The following AK2 variants were observed in gnomAD, a reference collection of about 807,000 sequenced individuals.
The protein encoded by AK2 is adenylate kinase 2.
Under a neutral mutation model 24.6 loss-of-function variants are expected in AK2, and 15 were observed. The observed-to-expected ratio is 0.61, with a 90% CI of 0.41 to 0.94. AK2 has a LOEUF of 0.94. Among genes scored for constraint, AK2 ranks in the 40% least tolerant of loss-of-function variants. The pLI is 0.00. For synonymous variants in AK2, 102 were observed against 114.0 expected, an observed-to-expected ratio of 0.90 and a Z score of 0.67; for missense variants, 257 against 304.1, an observed-to-expected ratio of 0.85 and a Z score of 1.15.
intron 1 of AK2, among the ~76,000 whole-genome samples, chr1:33,027,850 G>A (rs1182021242): frequency 2.6e-5 from 4 of 152,168 alleles, no homozygotes; most frequent in Admixed American, 6.5e-5. Flanking sequence ...GCACGCATGG[G>A]TTTTGAAGTC....
intron 4 of AK2, among the ~76,000 whole-genome samples, chr1:33,018,569 G>C (rs551372440): frequency 2.0e-5 from 3 of 152,316 alleles, no homozygotes; most frequent in African/African-American, 7.2e-5. Flanking sequence ...CCACTCATCT[G>C]TTGGGTAAAC....
intron 4 of AK2, 44 bp from the exon 5 acceptor site, chr1:33,014,638 C>A (rs371983494): frequency 1.3e-6 from 2 of 1,522,196 alleles, no homozygotes; most frequent in East Asian, 2.3e-5. Flanking sequence ...ACTGACAGTA[C>A]GCGCCTGCAC....
chr1:33,013,010 TAC>T lies in AK2; in HGVS notation c.*169_*170del. 6.3e-7 allele frequency: 1 copy of T among 1,592,420 alleles called. No individual in the cohort carries two copies. Among genetic ancestry groups the T allele is most frequent in the Non-Finnish European group, 8.5e-7 (1 of 1,175,946 alleles). On this transcript the variant is annotated 3_prime_UTR_variant, in exon 6 of 6. Transcript: ENST00000672715. ...CACACACACACACACACAACACACATACACACAGATGAGAGTAGCACACACGC... is the reference window on the plus strand; with the variant it reads ...CACACACACACACACACAACACACATACACAGATGAGAGTAGCACACACGC...
At chr1:33,016,566 A>G (rs1639201811) in intron 4 of AK2, among the ~76,000 whole-genome samples, 1 of 150,814 alleles carries the variant, frequency 6.6e-6, no homozygotes, top group Admixed American at 6.6e-5. Flanking sequence ...CTGGAGTGCA[A>G]TGGCAATGAC....
rs1310024461 is a variant in AK2, at chr1:33,008,642, T to A, written c.*4539A>T. On this transcript the variant is annotated 3_prime_UTR_variant, in exon 6 of 6. Coordinates refer to ENST00000672715, the MANE Select transcript of AK2 (RefSeq NM_001625.4). ...TTCAGTCCTGACTGCCTCTTATGCATGACCTCAGGAATGCCACTTCACCTC... is the reference window on the plus strand; with the variant it reads ...TTCAGTCCTGACTGCCTCTTATGCAAGACCTCAGGAATGCCACTTCACCTC... 4 of 454,018 alleles carry A rather than the reference T, an allele frequency of 8.8e-6. No individual in the cohort carries two copies. Among genetic ancestry groups the A allele is most frequent in the Non-Finnish European group, 1.3e-5 (3 of 226,804 alleles). The allele number at this position is 454,018 out of a possible 1,614,324, so 28.1% of individuals were successfully genotyped here. A position where few individuals can be genotyped will look rare whatever the true frequency, so the allele number is the denominator to read the frequency against.
intron 4 of AK2, chr1:33,020,073 G>C: frequency 6.5e-7 from 1 of 1,535,156 alleles, no homozygotes; most frequent in Non-Finnish European, 8.7e-7. Flanking sequence ...AGTGATTAGT[G>C]AAACAGGGTA....
chr1:33,036,719 C>T lies in AK2; in HGVS notation c.93+17G>A, dbSNP rs779763748. Reference sequence around the variant, plus strand: ...AGTTCAGCAGGCTCCGCCGCCAAGCCCAGTCCTGCCGCTCACCTGGGTCCC... The same window carrying T: ...AGTTCAGCAGGCTCCGCCGCCAAGCTCAGTCCTGCCGCTCACCTGGGTCCC... On this transcript the variant is annotated intron_variant, in intron 1 of 5. Coordinates refer to ENST00000672715, the MANE Select transcript of AK2 (RefSeq NM_001625.4). 6 of 1,567,804 alleles carry T rather than the reference C, an allele frequency of 3.8e-6. No individual in the cohort carries two copies. The African/African-American group carries it at 6.8e-5, about 18-fold the overall frequency.
Position 33,008,946 on chromosome 1 carries a change from C to G in AK2, c.*4235G>C, listed in dbSNP as rs1557602656. The G allele has an allele frequency of 2.4e-5, 11 of 454,098 alleles. No homozygotes were observed. Among genetic ancestry groups the G allele is most frequent in the Non-Finnish European group, 3.5e-5 (8 of 226,800 alleles). 28.1% of individuals were successfully genotyped at this position (454,098 alleles called of 1,614,324 possible). On this transcript the variant is annotated 3_prime_UTR_variant, in exon 6 of 6. Transcript: ENST00000672715. Reference sequence around the variant, plus strand: ...CTGCTTTGCAGGTTGGTTTGACAAACATTTCCCCACAATTAGATGCATGAT... The same window carrying G: ...CTGCTTTGCAGGTTGGTTTGACAAAGATTTCCCCACAATTAGATGCATGAT...
intron 2 of AK2, 199 bp downstream of exon 2, chr1:33,024,243 G>C: frequency 1.4e-6 from 1 of 715,834 alleles, no homozygotes; most frequent in Non-Finnish European, 2.4e-6. Flanking sequence ...TTGTTCAACA[G>C]AATTTTGTTT....
At chr1:33,025,074 A>G (rs556547784) in intron 1 of AK2, among the ~76,000 whole-genome samples, 2 of 151,706 alleles carry the variant, frequency 1.3e-5, no homozygotes, top group East Asian at 1.9e-4. Flanking sequence ...AATTGCAGCT[A>G]CTCAGGAGGC....
At position 33,012,873 on chromosome 1, in the gene AK2, G is replaced by T; in HGVS notation, c.*308C>A. The T allele has an allele frequency of 7.6e-7, 1 of 1,323,438 alleles. No homozygotes were observed. Among genetic ancestry groups the T allele is most frequent in the Non-Finnish European group, 9.9e-7 (1 of 1,012,338 alleles). The allele number at this position is 1,323,438 out of a possible 1,614,324, so 82.0% of individuals were successfully genotyped here. ...AGATCACGCCACTGCACTCCAGCCAGGGTGGCAGAGCGAAACCTTGTCTCA... is the reference window on the plus strand; with the variant it reads ...AGATCACGCCACTGCACTCCAGCCATGGTGGCAGAGCGAAACCTTGTCTCA... On this transcript the variant is annotated 3_prime_UTR_variant, in exon 6 of 6. Coordinates refer to ENST00000672715, the MANE Select transcript of AK2 (RefSeq NM_001625.4).
At chr1:33,026,598 G>A (rs1439923363) in intron 1 of AK2, among the ~76,000 whole-genome samples, 3 of 147,916 alleles carry the variant, frequency 2.0e-5, no homozygotes, top group Non-Finnish European at 4.5e-5. Flanking sequence ...CACAAGGTCA[G>A]GAGATTGAGA....
chr1:33,015,883 T>C (rs971214010), intron 4 of AK2, among the ~76,000 whole-genome samples: 2 of 152,112 alleles, frequency 1.3e-5, no homozygotes, highest in African/African-American at 4.8e-5. Flanking sequence ...CAAGACTGTC[T>C]CAAAAAAATA....
intron 1 of AK2, among the ~76,000 whole-genome samples, chr1:33,034,269 C>T (rs139249158): frequency 6.6e-6 from 1 of 152,204 alleles, no homozygotes; most frequent in East Asian, 1.9e-4. Flanking sequence ...TCTTCATGCA[C>T]CCTTATCAAT....
rs932965796 is a variant in AK2 at position 33,011,585 on chromosome 1, G to T, written c.*1596C>A. Reference sequence around the variant, plus strand: ...GAGGCTGGGCACTTTAGAGTCCACTGAATCGAGTCAGCAGCAGATTATGCT... The same window carrying T: ...GAGGCTGGGCACTTTAGAGTCCACTTAATCGAGTCAGCAGCAGATTATGCT... On this transcript the variant is annotated 3_prime_UTR_variant, in exon 6 of 6. Coordinates refer to ENST00000672715, the MANE Select transcript of AK2 (RefSeq NM_001625.4). 3.1e-6 allele frequency: 4 copies of T among 1,287,954 alleles called. No homozygotes were observed. The highest frequency in any genetic ancestry group is 1.0e-6 in the Non-Finnish European group (1 of 989,240). 79.8% of individuals were successfully genotyped at this position (1,287,954 alleles called of 1,614,324 possible).
In AK2 at chr1:33,013,222, A is replaced by C; in HGVS notation, c.679T>G (p.Phe227Val). 1 of 1,614,118 alleles carries C rather than the reference A, an allele frequency of 6.2e-7. No individual in the cohort carries two copies. The highest frequency in any genetic ancestry group is 8.5e-7 in the Non-Finnish European group (1 of 1,179,952). The change falls in exon 6 of 6, where the codon TTC becomes GTC. Residue 227 changes from phenylalanine (F) to valine (V), a missense_variant. By Grantham distance (50) the Phe-to-Val change is conservative. Transcript: ENST00000672715. ...DVVFASILAA[F>V]SKATCKDLVM... ...AAGTCTTTACATGTGGCTTTGGAGA[A>C]GGCTGCTAGGATGCTTGCGAACACG...
At chr1:33,024,619 G>C (rs1189772527) in intron 1 of AK2, 52 bp from the exon 2 acceptor site, 1 of 1,612,166 alleles carries the variant, frequency 6.2e-7, no homozygotes, top group Admixed American at 1.7e-5. Context: ...AGGCTGTGGA[G>C]TCAGACTGCC....
chr1:33,033,881 C>G (rs1335697156), intron 1 of AK2, among the ~76,000 whole-genome samples: 1 of 149,060 alleles, frequency 6.7e-6, no homozygotes, highest in Non-Finnish European at 1.5e-5. Flanking sequence ...GATTTAAGAT[C>G]TTTTTTTTTT....
At chr1:33,020,026 CT>C (rs1639432475) in intron 4 of AK2, 1 of 1,523,510 alleles carries the variant, frequency 6.6e-7, no homozygotes, top group Non-Finnish European at 8.8e-7. Context: ...CAGTTGAAAG[CT>C]TCTGTCATAC....
Sources: gnomAD v4.1 joint callset for allele counts (sites outside exome capture counted in the v4.1 genomes callset) on GRCh38, gnomAD v4.1.1 for gene constraint, MANE v1.5 for transcripts, NCBI Gene and HGNC (gene_info 2026-07-23, HGNC 2026-07-21) for gene names.